Variants in PCDH9 observed in about 807,000 individuals in gnomAD.
The protein encoded by PCDH9 is protocadherin 9, also known as protocadherin-9.
In PCDH9, 24 loss-of-function variants were observed where a neutral mutation model predicts 70.6. The observed-to-expected ratio is 0.34, with a 90% confidence interval of 0.25 to 0.48. The LOEUF is 0.48. PCDH9 is among the 20% of genes least tolerant of loss of function. The probability of loss-of-function intolerance (pLI) is 0.99; values close to 1 mark genes in which losing one functional copy is unlikely to be tolerated. For missense variants in PCDH9, 1,281 were observed against 1,503.6 expected, an observed-to-expected ratio of 0.85 and a Z score of 2.45; for synonymous variants, 562 against 558.5, an observed-to-expected ratio of 1.01 and a Z score of -0.09.
intron 2 of PCDH9, among the ~76,000 whole-genome samples, chr13:67,181,328 C>G (rs909077287): frequency 1.3e-5 from 2 of 151,990 alleles, no homozygotes; most frequent in African/African-American, 4.8e-5. Context: ...AAGAAGCTAT[C>G]GGTCTTAGTT....
intron 4 of PCDH9, among the ~76,000 whole-genome samples, chr13:66,515,616 A>T (rs1959694630): frequency 2.6e-5 from 4 of 152,020 alleles, no homozygotes; most frequent in Admixed American, 2.0e-4. Flanking sequence ...AAATGTTAAT[A>T]TCTGCTAGGT....
chr13:67,110,910 C>G (rs953145842), intron 2 of PCDH9, among the ~76,000 whole-genome samples: 2 of 152,152 alleles, frequency 1.3e-5, no homozygotes, highest in Admixed American at 6.5e-5. Flanking sequence ...TGAAATTATA[C>G]AAATTAATTG....
At chr13:66,510,053 T>G (rs1959391074) in intron 4 of PCDH9, among the ~76,000 whole-genome samples, 2 of 152,196 alleles carry the variant, frequency 1.3e-5, no homozygotes, top group Admixed American at 1.3e-4. Context: ...AGTGATTTTT[T>G]GGCTTTTACT....
chr13:66,958,179 A>G (rs1169148864), intron 2 of PCDH9, among the ~76,000 whole-genome samples: 2 of 152,206 alleles, frequency 1.3e-5, no homozygotes, highest in African/African-American at 4.8e-5. Flanking sequence ...AGCGTACAAT[A>G]TGGTTGTAGC....
intron 4 of PCDH9, among the ~76,000 whole-genome samples, chr13:66,341,300 C>A (rs1396414867): frequency 6.6e-6 from 1 of 151,808 alleles, no homozygotes; most frequent in Non-Finnish European, 1.5e-5. Flanking sequence ...CACTTTGTTA[C>A]CCAGGCTGCT....
chr13:66,568,512 CAA>C (rs34215376), intron 4 of PCDH9, among the ~76,000 whole-genome samples: 5 of 108,086 alleles, frequency 4.6e-5, no homozygotes, highest in Admixed American at 2.1e-4. Flanking sequence ...TGAGACTTTA[CAA>C]AAAAAAAAAA....
intron 2 of PCDH9, among the ~76,000 whole-genome samples, chr13:67,187,827 A>T (rs2088799036): frequency 2.0e-5 from 3 of 152,108 alleles, no homozygotes; most frequent in Admixed American, 6.6e-5. Context: ...TGATATTTTG[A>T]TACAAGTGTA....
intron 3 of PCDH9, among the ~76,000 whole-genome samples, chr13:66,863,330 T>A (rs1366533578): frequency 6.6e-6 from 1 of 152,184 alleles, no homozygotes; most frequent in Non-Finnish European, 1.5e-5. Context: ...ATTGAGATAA[T>A]GCATGGAAAA....
intron 4 of PCDH9, among the ~76,000 whole-genome samples, chr13:66,343,034 TAAAC>T (rs1206033478): frequency 1.3e-5 from 2 of 151,936 alleles, no homozygotes; most frequent in Non-Finnish European, 2.9e-5. Flanking sequence ...ACTCCCCAAA[TAAAC>T]AAGCAAAAAA....
chr13:67,092,909 G>C (rs906159550), intron 2 of PCDH9, among the ~76,000 whole-genome samples: 5 of 144,172 alleles, frequency 3.5e-5, no homozygotes, highest in Non-Finnish European at 6.2e-5. Flanking sequence ...TTATGAACTG[G>C]AATTGCAGCT....
At chr13:67,195,533 T>G (rs1422337981) in intron 2 of PCDH9, among the ~76,000 whole-genome samples, 1 of 152,186 alleles carries the variant, frequency 6.6e-6, no homozygotes, top group Admixed American at 6.5e-5. Flanking sequence ...AAATAATTCG[T>G]TACTCTTAAG....
intron 2 of PCDH9, among the ~76,000 whole-genome samples, chr13:66,969,988 T>C (rs576330117): frequency 6.6e-6 from 1 of 152,058 alleles, no homozygotes; most frequent in African/African-American, 2.4e-5. Context: ...TGCATGTATG[T>C]GCATTTTAAG....
At chr13:67,114,246 A>C (rs1176841665) in intron 2 of PCDH9, among the ~76,000 whole-genome samples, 1 of 152,194 alleles carries the variant, frequency 6.6e-6, no homozygotes, top group African/African-American at 2.4e-5. Context: ...GAAATCCATG[A>C]AACATTAATA....
intron 2 of PCDH9, among the ~76,000 whole-genome samples, chr13:67,004,298 T>C (rs1449604450): frequency 6.6e-6 from 1 of 151,956 alleles, no homozygotes; most frequent in Admixed American, 6.6e-5. Flanking sequence ...AGGACAGTTG[T>C]GTTGGCTCGC....
At chr13:66,904,210 A>T (rs1008480096) in intron 2 of PCDH9, among the ~76,000 whole-genome samples, 3 of 152,028 alleles carry the variant, frequency 2.0e-5, no homozygotes, top group Admixed American at 6.6e-5. Context: ...AAGCATTTTT[A>T]AAAAACAGGT....
intron 3 of PCDH9, among the ~76,000 whole-genome samples, chr13:66,778,050 C>A (rs1488346039): frequency 2.7e-5 from 4 of 145,900 alleles, no homozygotes; most frequent in Non-Finnish European, 5.9e-5. Context: ...CCAAGCACTG[C>A]ATATTCTCAC....
intron 3 of PCDH9, among the ~76,000 whole-genome samples, chr13:66,859,745 G>C (rs1414422913): frequency 6.6e-6 from 1 of 152,102 alleles, no homozygotes; most frequent in Admixed American, 6.5e-5. Context: ...CAGTATAAGA[G>C]CAATTATATA....
rs111771408 is a variant in PCDH9, at chr13:66,446,327, T to TA, written c.3341-141300dup. Among the ~76,000 whole-genome samples the TA allele has an allele frequency of 3.3e-5, 5 of 151,850 alleles. No individual in the cohort carries two copies. In the South Asian group the frequency reaches 1.0e-3, roughly 32 times the overall value. ...GGCAAAATCCACACTCAGAAATGTT[T>TA]AAAAAAAATGGAAGACAGCTGGATA... is the stretch of plus-strand genomic sequence containing the variant. On this transcript the variant is annotated intron_variant, in intron 4 of 4. Coordinates refer to ENST00000377865, the MANE Select transcript of PCDH9 (RefSeq NM_203487.3).
chr13:67,032,182 C>T (rs536108742), intron 2 of PCDH9, among the ~76,000 whole-genome samples: 1 of 152,110 alleles, frequency 6.6e-6, no homozygotes, highest in Non-Finnish European at 1.5e-5. Context: ...CTTACTCGGT[C>T]ACCCAGGCTG....
Sources: gnomAD v4.1 joint callset for allele counts (sites outside exome capture counted in the v4.1 genomes callset) on GRCh38, gnomAD v4.1.1 for gene constraint, MANE v1.5 for transcripts, NCBI Gene and HGNC (gene_info 2026-07-23, HGNC 2026-07-21) for gene names.